The following PRMT5 variants were observed in gnomAD, a reference collection of about 807,000 sequenced individuals.
PRMT5 encodes the protein protein arginine methyltransferase 5.
A neutral mutation model predicts 84.0 loss-of-function variants in PRMT5; 15 were observed. That is an observed-to-expected ratio of 0.18 (90% CI 0.12 to 0.28). PRMT5 has a LOEUF of 0.28. PRMT5 is among the 10% of genes least tolerant of loss of function. The probability of loss-of-function intolerance (pLI) is 1.00; values close to 1 mark genes in which losing one functional copy is unlikely to be tolerated. For synonymous variants in PRMT5, 276 were observed against 292.4 expected, an observed-to-expected ratio of 0.94 and a Z score of 0.57; for missense variants, 486 against 808.0, an observed-to-expected ratio of 0.60 and a Z score of 4.83.
At chr14:22,921,102 T>C (rs1216685482) in intron 16 of PRMT5, 46 bp from the exon 17 acceptor site, 1 of 1,605,824 alleles carries the variant, frequency 6.2e-7, no homozygotes, top group African/African-American at 1.3e-5. Flanking sequence ...CTATGAATTA[T>C]ACATGGCAAT....
Position 22,923,890 on chromosome 14 carries a change from C to G in PRMT5, c.1375+118G>C. 1 of 1,151,130 alleles carries G rather than the reference C, an allele frequency of 8.7e-7. No homozygotes were observed. Among genetic ancestry groups the G allele is most frequent in the Non-Finnish European group, 1.2e-6 (1 of 827,278 alleles). The allele number at this position is 1,151,130 out of a possible 1,614,324, so 71.3% of individuals were successfully genotyped here. A position where few individuals can be genotyped will look rare whatever the true frequency, so the allele number is the denominator to read the frequency against. On this transcript the variant is annotated intron_variant, in intron 12 of 16. Coordinates refer to ENST00000324366, the MANE Select transcript of PRMT5 (RefSeq NM_006109.5). The surrounding 1 kb of genome is among the most constrained non-coding windows in gnomAD (Gnocchi z 5.2). ...GCACAGAGGCAGTGAAGCAGTGGCT[C>G]TCAAACTCATATGATGTGACCCAGG...
Position 22,926,547 on chromosome 14 carries a change from T to C in PRMT5, c.572A>G (p.Asn191Ser). Residue 191 changes from asparagine to serine, a missense_variant, in exon 6 of 17, where the codon AAC (asparagine) becomes AGC (serine). This residue lies in a region of PRMT5 where 215 missense variants were observed against 301.1 expected (regional missense o/e 0.71). Transcript: ENST00000324366. ...GEEKTWMWWH[N>S]FRTLCDYSKR... The stretch of plus-strand genomic sequence containing the variant: ...ACTATAGTCACACAAAGTCCGGAAG[T>C]TGTGCCACCTGTTCAGTCAAATACA... 6.2e-7 allele frequency: 1 copy of C among 1,614,166 alleles called. No homozygotes were observed. Among genetic ancestry groups the C allele is most frequent in the Non-Finnish European group, 8.5e-7 (1 of 1,180,036 alleles).
Position 22,924,911 on chromosome 14 carries a change from C to A in PRMT5, c.907G>T (p.Gly303Cys), listed in dbSNP as rs1212773876. 6.2e-7 allele frequency: 1 copy of A among 1,614,116 alleles called. No individual in the cohort carries two copies. Among genetic ancestry groups the A allele is most frequent in the Admixed American group, 1.7e-5 (1 of 60,014 alleles). ...PPNAYELFAK[G>C]YEDYLQSPLQ... ...GGGGACTGCAGATAGTCTTCATAGC[C>A]CTTGGCAAAGAGTTCATAGGCATTA... Residue 303 changes from glycine (G) to cysteine (C), a missense_variant, in exon 8 of 17, where the codon GGC becomes TGC. Gly to Cys is a radical substitution (Grantham distance 159, BLOSUM62 -3). Around this residue, in one of 4 missense-constraint regions of PRMT5, gnomAD observed 219 missense variants for 433.6 expected, o/e 0.51. Coordinates refer to ENST00000324366, the MANE Select transcript of PRMT5 (RefSeq NM_006109.5). This position sits in a 1 kb window ranked among gnomAD's most constrained non-coding sequence, Gnocchi z 6.5.
At position 22,926,160 on chromosome 14, in the gene PRMT5, G is replaced by A. The variant is rs78705017; in HGVS notation, c.750C>T (p.His250=). 2 of 1,612,636 alleles carry A rather than the reference G, an allele frequency of 1.2e-6. No homozygotes were observed. Among genetic ancestry groups the A allele is most frequent in the African/African-American group, 2.7e-5 (2 of 74,974 alleles). Residue 250 remains histidine (H), a synonymous_variant, in exon 7 of 17, where the codon CAC becomes CAT. Transcript: ENST00000324366. ...TGAGGAGCCGGAAGATGAGCCTCTGGTGCATCTTAGAAAGAACAGGAAATC... is the reference window on the plus strand; with the variant it reads ...TGAGGAGCCGGAAGATGAGCCTCTGATGCATCTTAGAAAGAACAGGAAATC... The part of the protein sequence containing the change: ...KKGFPVLSKM[H]QRLIFRLLKL...
intron 4 of PRMT5, 81 bp downstream of exon 4, chr14:22,927,445 C>A: frequency 6.4e-7 from 1 of 1,569,684 alleles, no homozygotes; most frequent in African/African-American, 1.4e-5. Context: ...ACACCCTTCA[C>A]TGAATGGCTA....
Position 22,922,895 on chromosome 14 carries a change from C to T in PRMT5, c.1486-60G>A, listed in dbSNP as rs1024774046. The T allele has an allele frequency of 7.2e-6, 11 of 1,533,510 alleles. No individual in the cohort carries two copies. In the Admixed American group the frequency reaches 2.0e-4, roughly 28 times the overall value. 95.0% of individuals were successfully genotyped at this position (1,533,510 alleles called of 1,614,324 possible). A position where few individuals can be genotyped will look rare whatever the true frequency, so the allele number is the denominator to read the frequency against. ...GAAGACACACAAGAGAGAACTACTT[C>T]CCCAAGGATTAAAAAAAGTTTTACT... On this transcript the variant is annotated intron_variant, in intron 13 of 16. Coordinates refer to ENST00000324366, the MANE Select transcript of PRMT5 (RefSeq NM_006109.5).
rs1318590429 is a variant in PRMT5 at position 22,924,581 on chromosome 14, C to A, written c.1018-44G>T. 2 of 1,612,852 alleles carry A rather than the reference C, an allele frequency of 1.2e-6. No individual in the cohort carries two copies. The highest frequency in any genetic ancestry group is 8.5e-7 in the Non-Finnish European group (1 of 1,178,864). On this transcript the variant is annotated intron_variant, in intron 9 of 16. Coordinates refer to ENST00000324366, the MANE Select transcript of PRMT5 (RefSeq NM_006109.5). This position sits in a 1 kb window ranked among gnomAD's most constrained non-coding sequence, Gnocchi z 6.5. Reference sequence around the variant, plus strand: ...ATCCCATGGTTGTAATCCCATCCTCCCCAGGTCATGCTGGCCCTGTGCTTT... The same window carrying A: ...ATCCCATGGTTGTAATCCCATCCTCACCAGGTCATGCTGGCCCTGTGCTTT...
intron 16 of PRMT5, 89 bp downstream of exon 16, chr14:22,922,087 G>A: frequency 8.5e-7 from 1 of 1,171,068 alleles, no homozygotes; most frequent in Non-Finnish European, 1.3e-6. Flanking sequence ...ATGAGTCATA[G>A]TCAACTATCT....
intron 14 of PRMT5, 58 bp downstream of exon 14, chr14:22,922,684 A>G: frequency 6.4e-7 from 1 of 1,552,506 alleles, no homozygotes; most frequent in Non-Finnish European, 8.9e-7. Context: ...GGAAGAAAGC[A>G]GGAGGAAGGA....
At chr14:22,925,259 C>T (rs991706634) in intron 7 of PRMT5, among the ~76,000 whole-genome samples, 2 of 151,572 alleles carry the variant, frequency 1.3e-5, no homozygotes, top group Non-Finnish European at 2.9e-5. Context: ...CAGGTTCAAG[C>T]AATTCTCCTG....
chr14:22,926,648 A>G, intron 5 of PRMT5, 54 bp downstream of exon 5: 3 of 1,600,696 alleles, frequency 1.9e-6, no homozygotes, highest in South Asian at 2.2e-5. Flanking sequence ...TGCACCCTGT[A>G]CTTCCCCTCA....
chr14:22,928,644 TAA>T lies in PRMT5; in HGVS notation c.111-31_111-30del. 1 of 1,532,004 alleles carries T rather than the reference TAA, an allele frequency of 6.5e-7. No individual in the cohort carries two copies. Among genetic ancestry groups the T allele is most frequent in the South Asian group, 1.1e-5 (1 of 89,364 alleles). The allele number at this position is 1,532,004 out of a possible 1,614,324, so 94.9% of individuals were successfully genotyped here. On this transcript the variant is annotated intron_variant, in intron 1 of 16. Transcript: ENST00000324366. This position sits in a 1 kb window ranked among gnomAD's most constrained non-coding sequence, Gnocchi z 4.8. The stretch of plus-strand genomic sequence containing the variant: ...CAACCGCGACAGACCCAGAATCATG[TAA>T]AGACAGCAGCAGTGCCAGAGAGCCA...
At chr14:22,921,884 T>TTAA (rs2044305937) in intron 16 of PRMT5, among the ~76,000 whole-genome samples, 1 of 120,014 alleles carries the variant, frequency 8.3e-6, no homozygotes, top group African/African-American at 3.1e-5. Context: ...TCCGTCTCTT[T>TTAA]AAAAAAAAAA....
intron 1 of PRMT5, 145 bp downstream of exon 1, chr14:22,929,107 G>A: frequency 1.3e-6 from 2 of 1,599,164 alleles, no homozygotes; most frequent in Non-Finnish European, 1.7e-6. Flanking sequence ...CTGGGTCCGA[G>A]GCTCCTCCCC....
rs200861945 is a variant in PRMT5 at position 22,929,368 on chromosome 14, C to T, written c.-7G>A. 10 of 1,604,560 alleles carry T rather than the reference C, an allele frequency of 6.2e-6. No homozygotes were observed. The East Asian group carries it at 2.0e-4, about 32-fold the overall frequency. ...CGACCGCCATCGCCGCCATCTTTCT[C>T]CTCGCGCTGTCCACGCCGGGATTCC... On this transcript the variant is annotated 5_prime_UTR_variant, in exon 1 of 17. Coordinates refer to ENST00000324366, the MANE Select transcript of PRMT5 (RefSeq NM_006109.5).
rs773411041 is a variant in PRMT5, at chr14:22,922,215, A to G, written c.1722T>C (p.Pro574=). The G allele has an allele frequency of 4.4e-6, 7 of 1,597,850 alleles. No homozygotes were observed. The East Asian group carries it at 1.6e-4, about 36-fold the overall frequency. ...GGATGGGAAACCATGAGAACATCCC[A>G]GGAGAGTGAGTCTCTGGACGGATAC... The part of the protein sequence containing the change: ...TLSIRPETHS[P]GMFSWFPILF... The change falls in exon 16 of 17, where the codon CCT becomes CCC. Residue 574 remains proline (P), a synonymous_variant. Coordinates refer to ENST00000324366, the MANE Select transcript of PRMT5 (RefSeq NM_006109.5).
Position 22,926,716 on chromosome 14 carries a change from C to T in PRMT5, c.549G>A (p.Glu183=), listed in dbSNP as rs1282616729. Residue 183 remains glutamate, a synonymous_variant, in exon 5 of 17, where the codon GAG becomes GAA. Coordinates refer to ENST00000324366, the MANE Select transcript of PRMT5 (RefSeq NM_006109.5). ...TTHTEEYSGE[E]KTWMWWHNFR... ...GGGAGACATACCACATCCACGTTTT[C>T]TCCTCCCCACTGTACTCCTCTGTGT... 6.2e-7 allele frequency: 1 copy of T among 1,613,992 alleles called. No homozygotes were observed. The highest frequency in any genetic ancestry group is 1.7e-5 in the Admixed American group (1 of 60,012).
At chr14:22,922,699 G>A (rs752317556) in intron 14 of PRMT5, 43 bp downstream of exon 14, 7 of 1,581,356 alleles carry the variant, frequency 4.4e-6, no homozygotes, top group Non-Finnish European at 5.2e-6. Flanking sequence ...GAAGGAAGAA[G>A]CCCGTACCCC....
At position 22,928,902 on chromosome 14, in the gene PRMT5, C is replaced by T. The variant is rs1369120024; in HGVS notation, c.111-287G>A. 1.7e-6 allele frequency: 1 copy of T among 600,688 alleles called. No homozygotes were observed. The highest frequency in any genetic ancestry group is 2.9e-6 in the Non-Finnish European group (1 of 339,070). 37.2% of individuals were successfully genotyped at this position (600,688 alleles called of 1,614,324 possible). A position where few individuals can be genotyped will look rare whatever the true frequency, so the allele number is the denominator to read the frequency against. On this transcript the variant is annotated intron_variant, in intron 1 of 16. Coordinates refer to ENST00000324366, the MANE Select transcript of PRMT5 (RefSeq NM_006109.5). This position sits in a 1 kb window ranked among gnomAD's most constrained non-coding sequence, Gnocchi z 4.8. Reference sequence around the variant, plus strand: ...TGTCAGTATGTTTCCAAGACCATCACATCCAGATTTGCCCCAGTTCTGCCC... The same window carrying T: ...TGTCAGTATGTTTCCAAGACCATCATATCCAGATTTGCCCCAGTTCTGCCC...
Sources: allele counts gnomAD v4.1 joint callset (sites outside exome capture counted in the v4.1 genomes callset), GRCh38; gene constraint gnomAD v4.1.1; regional missense constraint gnomAD v4.1.1; non-coding constraint Gnocchi (gnomAD v3.1); transcripts MANE v1.5; gene names NCBI Gene and HGNC (gene_info 2026-07-23, HGNC 2026-07-21).